NYAP2: variants seen among roughly 807,000 people sequenced by gnomAD.
NYAP2 encodes neuronal tyrosine-phosphorylated phosphoinositide-3-kinase adapter 2.
In NYAP2, 23 loss-of-function variants were observed where a neutral mutation model predicts 50.4. That is an observed-to-expected ratio of 0.46 (90% confidence interval 0.33 to 0.65). The LOEUF (loss-of-function observed/expected upper bound fraction) is 0.65. Among genes scored for constraint, NYAP2 ranks in the 30% least tolerant of loss-of-function variants. The pLI, the probability that NYAP2 is intolerant of heterozygous loss-of-function variation, is 0.02. For synonymous variants in NYAP2, 394 were observed against 365.2 expected (o/e 1.08, Z -0.90); for missense variants, 885 against 861.0 (o/e 1.03, Z -0.35).
chr2:225,494,064 T>G (rs1172328403), intron 3 of NYAP2, among the ~76,000 whole-genome samples: 1 of 152,258 alleles, frequency 6.6e-6, no homozygotes, highest in Non-Finnish European at 1.5e-5. Flanking sequence ...TCACACTCTT[T>G]ACTACTTAGT....
rs553352406 is a variant in NYAP2, at chr2:225,519,852, C to T, written c.523+6180C>T. Among the ~76,000 whole-genome samples the T allele has an allele frequency of 2.6e-5, 4 of 152,320 alleles. 1 individual carries two copies. The highest frequency in any genetic ancestry group is 2.1e-4 in the South Asian group (1 of 4,828). On this transcript the variant is annotated intron_variant, in intron 4 of 6. Coordinates refer to ENST00000636099, the Ensembl canonical transcript of NYAP2. ...GATCCCTGAGGAATCGCCACACTGA[C>T]TTCCACAAGGGTTGAACTAGTTTAC...
At chr2:225,460,144 A>AT (rs1009627016) in intron 3 of NYAP2, among the ~76,000 whole-genome samples, 19 of 147,194 alleles carry the variant, frequency 1.3e-4, no homozygotes, top group South Asian at 2.1e-4. Context: ...TCAAATGATG[A>AT]TTTTTTTTGT....
At chr2:225,693,516 C>G in the NYAP2 span, among the ~76,000 whole-genome samples, 2 of 151,994 alleles carry the variant, frequency 1.3e-5, no homozygotes, top group African/African-American at 4.8e-5. Context: ...GAATACTATA[C>G]ACTGGGTAGC....
At chr2:225,536,387 C>T (rs1314736038) in intron 4 of NYAP2, among the ~76,000 whole-genome samples, 4 of 152,158 alleles carry the variant, frequency 2.6e-5, no homozygotes, top group African/African-American at 9.7e-5. Flanking sequence ...GCCTATTTCC[C>T]CCTGGCCTTT....
At chr2:225,601,015 A>G (rs1250377192) in intron 5 of NYAP2, among the ~76,000 whole-genome samples, 1 of 152,098 alleles carries the variant, frequency 6.6e-6, no homozygotes, top group Non-Finnish European at 1.5e-5. Flanking sequence ...AAAATATGTG[A>G]TGGACATGAG....
intron 4 of NYAP2, among the ~76,000 whole-genome samples, chr2:225,576,023 T>G (rs916073438): frequency 3.9e-5 from 6 of 152,368 alleles, no homozygotes; most frequent in African/African-American, 1.4e-4. Flanking sequence ...AAATGAACAC[T>G]TCAAAGAACA....
intron 3 of NYAP2, among the ~76,000 whole-genome samples, chr2:225,485,008 G>A (rs1559192604): frequency 6.6e-6 from 1 of 152,188 alleles, no homozygotes; most frequent in Non-Finnish European, 1.5e-5. Flanking sequence ...CCTATTCAGA[G>A]TCTCATTAAT....
At chr2:225,540,172 T>A (rs1691432914) in intron 4 of NYAP2, among the ~76,000 whole-genome samples, 1 of 152,230 alleles carries the variant, frequency 6.6e-6, no homozygotes, top group African/African-American at 2.4e-5. Context: ...TTTTCCTGTC[T>A]TCTTCTGAGC....
chr2:225,668,624 G>A, the NYAP2 span, among the ~76,000 whole-genome samples: 1 of 152,134 alleles, frequency 6.6e-6, no homozygotes, highest in Non-Finnish European at 1.5e-5. Context: ...CATCTCTGAT[G>A]AGAAAACTGA....
intron 4 of NYAP2, among the ~76,000 whole-genome samples, chr2:225,567,414 A>G (rs1449697091): frequency 6.6e-6 from 1 of 152,156 alleles, no homozygotes; most frequent in Admixed American, 6.6e-5. Flanking sequence ...TATCCCATGA[A>G]CAGTTATTTA....
chr2:225,587,028 G>T (rs750254137), intron 5 of NYAP2, among the ~76,000 whole-genome samples: 1 of 152,154 alleles, frequency 6.6e-6, no homozygotes, highest in Non-Finnish European at 1.5e-5. Context: ...GAGAGAGCTC[G>T]CAAGAGCAGG....
In NYAP2 at chr2:225,566,327, G is replaced by GA. The variant is rs567676547; in HGVS notation, c.524-15614_524-15613insA. The stretch of plus-strand genomic sequence containing the variant: ...CCATGCTGCTTCCTCTGTGATCTCA[G>GA]GTACTTAAGAAGATCACAAACATTT... On this transcript the variant is annotated intron_variant, in intron 4 of 6. Coordinates refer to ENST00000636099, the Ensembl canonical transcript of NYAP2. Among the ~76,000 whole-genome samples, 571 of 152,224 alleles carry GA rather than the reference G, an allele frequency of 3.8e-3. 6 individuals carry two copies. The highest frequency in any genetic ancestry group is 0.013 in the African/African-American group (546 of 41,534).
chr2:225,438,000 A>T (rs1689410355), intron 3 of NYAP2, among the ~76,000 whole-genome samples: 1 of 152,034 alleles, frequency 6.6e-6, no homozygotes, highest in Non-Finnish European at 1.5e-5. Flanking sequence ...TCTTACTCTC[A>T]TTCTTGCCCT....
intron 3 of NYAP2, among the ~76,000 whole-genome samples, chr2:225,510,520 G>A (rs1029471866): frequency 1.1e-4 from 17 of 152,168 alleles, no homozygotes; most frequent in African/African-American, 4.1e-4. Flanking sequence ...AGCAAATTCA[G>A]AAACTAGTTG....
intron 4 of NYAP2, among the ~76,000 whole-genome samples, chr2:225,541,092 A>G (rs554344153): frequency 1.3e-5 from 2 of 152,254 alleles, no homozygotes; most frequent in East Asian, 1.9e-4. Context: ...ATGTCTTCTT[A>G]TGATAAATAT....
the NYAP2 span, among the ~76,000 whole-genome samples, chr2:225,692,459 T>C: frequency 6.6e-6 from 1 of 152,110 alleles, no homozygotes; most frequent in African/African-American, 2.4e-5. Context: ...GTGTCACTCC[T>C]TATGCATTGA....
At chr2:225,554,145 G>A (rs1158311111) in intron 4 of NYAP2, among the ~76,000 whole-genome samples, 1 of 151,658 alleles carries the variant, frequency 6.6e-6, no homozygotes, top group African/African-American at 2.4e-5. Flanking sequence ...ATTTTTCAGT[G>A]GCAATAACAG....
intron 3 of NYAP2, among the ~76,000 whole-genome samples, chr2:225,489,665 C>G (rs1226813669): frequency 2.6e-5 from 4 of 152,142 alleles, no homozygotes; most frequent in African/African-American, 9.7e-5. Flanking sequence ...CTCTAGTAAT[C>G]TGGAGTCATA....
At chr2:225,492,811 A>G (rs1404823139) in intron 3 of NYAP2, among the ~76,000 whole-genome samples, 2 of 152,156 alleles carry the variant, frequency 1.3e-5, no homozygotes, top group Non-Finnish European at 2.9e-5. Context: ...GTAATTTATT[A>G]TGAGGACAGG....
Sources: gnomAD v4.1 joint callset for allele counts (sites outside exome capture counted in the v4.1 genomes callset) on GRCh38, gnomAD v4.1.1 for gene constraint, MANE v1.5 for transcripts, NCBI Gene and HGNC (gene_info 2026-07-23, HGNC 2026-07-21) for gene names.